TRAF3IP1: variants seen among roughly 807,000 people sequenced by gnomAD.
TRAF3IP1 encodes TRAF3-interacting protein 1.
A neutral mutation model predicts 89.9 loss-of-function variants in TRAF3IP1; 53 were observed. The observed-to-expected ratio is 0.59, with a 90% confidence interval of 0.47 to 0.74. TRAF3IP1 has a LOEUF of 0.74. TRAF3IP1 is among the 30% of genes least tolerant of loss of function. The pLI, the probability that TRAF3IP1 is intolerant of heterozygous loss-of-function variation, is 0.00. For synonymous variants in TRAF3IP1, 311 were observed against 322.1 expected, an observed-to-expected ratio of 0.97 and a Z score of 0.37; for missense variants, 806 against 866.1, an observed-to-expected ratio of 0.93 and a Z score of 0.87.
Position 238,351,662 on chromosome 2 carries a change from C to T in TRAF3IP1, c.1452-1165C>T, listed in dbSNP as rs1699158034. Among the ~76,000 whole-genome samples, 1 of 152,010 alleles carries T rather than the reference C, an allele frequency of 6.6e-6. No individual in the cohort carries two copies. Among genetic ancestry groups the T allele is most frequent in the Non-Finnish European group, 1.5e-5 (1 of 67,996 alleles). Reference sequence around the variant, plus strand: ...CCTGGTACTGACAGAGCAGCGGGTTCGAAGTGAGGTTGGTCCTGGCGGAGC... The same window carrying T: ...CCTGGTACTGACAGAGCAGCGGGTTTGAAGTGAGGTTGGTCCTGGCGGAGC... On this transcript the variant is annotated intron_variant, in intron 12 of 16. Transcript: ENST00000373327. This position sits in a 1 kb window ranked among gnomAD's most constrained non-coding sequence, Gnocchi z 5.2.
intron 15 of TRAF3IP1, among the ~76,000 whole-genome samples, chr2:238,365,715 C>G (rs545822159): frequency 2.6e-5 from 4 of 151,844 alleles, no homozygotes; most frequent in Non-Finnish European, 5.9e-5. Context: ...GAGACATACT[C>G]TGTTGGTAAG....
At chr2:238,338,108 TC>T (rs1698471248) in intron 7 of TRAF3IP1, among the ~76,000 whole-genome samples, 2 of 151,962 alleles carry the variant, frequency 1.3e-5, no homozygotes, top group African/African-American at 4.8e-5. Context: ...GGGAGGATCA[TC>T]CTTGCAAAGG....
chr2:238,330,582 C>T (rs376493121), intron 5 of TRAF3IP1, among the ~76,000 whole-genome samples: 1 of 152,242 alleles, frequency 6.6e-6, no homozygotes, highest in East Asian at 1.9e-4. Context: ...TGGCCTCTTC[C>T]TCCCGGGACA....
intron 10 of TRAF3IP1, 31 bp from the exon 11 acceptor site, chr2:238,348,733 G>T (rs1467940442): frequency 3.1e-6 from 5 of 1,587,532 alleles, no homozygotes; most frequent in Non-Finnish European, 4.3e-6. Context: ...GTTTTCCTTT[G>T]TGAATTGCTA....
intron 12 of TRAF3IP1, among the ~76,000 whole-genome samples, 153 bp downstream of exon 12, chr2:238,349,561 C>T (rs1222710252): frequency 1.3e-5 from 2 of 152,168 alleles, no homozygotes; most frequent in African/African-American, 4.8e-5. Flanking sequence ...CGCCTCACAC[C>T]ATAGGCCAAC....
intron 15 of TRAF3IP1, among the ~76,000 whole-genome samples, chr2:238,356,534 T>C (rs1001282586): frequency 1.3e-5 from 2 of 151,954 alleles, no homozygotes; most frequent in Non-Finnish European, 2.9e-5. Context: ...TCCTCCCAGT[T>C]GGGAGGATAT....
At chr2:238,329,509 T>C (rs1698019009) in intron 5 of TRAF3IP1, among the ~76,000 whole-genome samples, 167 bp downstream of exon 5, 2 of 152,242 alleles carry the variant, frequency 1.3e-5, no homozygotes, top group African/African-American at 4.8e-5. Flanking sequence ...GAGATACTTA[T>C]TTCTTGTCAG....
At position 238,320,600 on chromosome 2, in the gene TRAF3IP1, C is replaced by T. The variant is rs1294248284; in HGVS notation, c.-63C>T. 2 of 1,132,650 alleles carry T rather than the reference C, an allele frequency of 1.8e-6. No individual in the cohort carries two copies. Among genetic ancestry groups the T allele is most frequent in the Admixed American group, 5.0e-5 (1 of 20,080 alleles). The allele number at this position is 1,132,650 out of a possible 1,614,324, so 70.2% of individuals were successfully genotyped here. ...GCGGGGCCGGCGGCGGCCAGGGACC[C>T]GGGCTTAGGCTCGGCCAGGCCGGCT... On this transcript the variant is annotated 5_prime_UTR_variant, in exon 1 of 17. Transcript: ENST00000373327.
chr2:238,322,016 C>T (rs7598777), intron 1 of TRAF3IP1, among the ~76,000 whole-genome samples: 31,427 of 152,216 alleles, frequency 0.21, 3,474 homozygotes, highest in South Asian at 0.27. Flanking sequence ...CATCCCAGGG[C>T]CTCGCCAGCC....
intron 7 of TRAF3IP1, among the ~76,000 whole-genome samples, chr2:238,335,148 G>T (rs1270033196): frequency 1.3e-5 from 2 of 152,062 alleles, no homozygotes; most frequent in Admixed American, 1.3e-4. Flanking sequence ...ATTATATTTG[G>T]TTTGGTTTCT....
chr2:238,332,991 G>A, intron 6 of TRAF3IP1, 96 bp downstream of exon 6: 2 of 881,388 alleles, frequency 2.3e-6, no homozygotes, highest in Non-Finnish European at 3.7e-6. Context: ...AGGCATGGAA[G>A]GAGCACATGG....
chr2:238,362,425 C>G (rs1699701787), intron 15 of TRAF3IP1, among the ~76,000 whole-genome samples: 1 of 152,096 alleles, frequency 6.6e-6, no homozygotes, highest in Non-Finnish European at 1.5e-5. Flanking sequence ...TCTCATGGGT[C>G]AGTCTAGAGG....
intron 14 of TRAF3IP1, 29 bp from the exon 15 acceptor site, chr2:238,355,975 T>G (rs779015827): frequency 6.3e-7 from 1 of 1,577,464 alleles, no homozygotes; most frequent in African/African-American, 1.4e-5. Context: ...GAATAAACTT[T>G]TAACATAAAA....
intron 12 of TRAF3IP1, 130 bp downstream of exon 12, chr2:238,349,538 G>A: frequency 1.1e-6 from 1 of 909,688 alleles, no homozygotes; most frequent in Non-Finnish European, 1.7e-6. Context: ...AACAAAAAGT[G>A]AGGGTAGGCC....
intron 15 of TRAF3IP1, among the ~76,000 whole-genome samples, chr2:238,389,311 G>A (rs79557340): frequency 0.059 from 9,019 of 152,022 alleles, 377 homozygotes; most frequent in Non-Finnish European, 0.081. Context: ...TTGGCTTCTC[G>A]TGTACCCATC....
At chr2:238,341,502 T>C (rs1026546775) in intron 8 of TRAF3IP1, among the ~76,000 whole-genome samples, 48 of 151,930 alleles carry the variant, frequency 3.2e-4, no homozygotes, top group African/African-American at 1.2e-3. Context: ...CCAAGCTGTA[T>C]TCTAATTGTC....
chr2:238,320,632 C>T lies in TRAF3IP1; in HGVS notation c.-31C>T. ...AGGCTCGGCCAGGCCGGCTGAGGGG[C>T]GCGGGCGGCCAGCGGGCGGCGGACG... On this transcript the variant is annotated 5_prime_UTR_variant, in exon 1 of 17. Transcript: ENST00000373327. 2 of 1,292,812 alleles carry T rather than the reference C, an allele frequency of 1.5e-6. No homozygotes were observed. The highest frequency in any genetic ancestry group is 3.9e-5 in the East Asian group (1 of 25,850). The allele number at this position is 1,292,812 out of a possible 1,614,324, so 80.1% of individuals were successfully genotyped here. A position where few individuals can be genotyped will look rare whatever the true frequency, so the allele number is the denominator to read the frequency against.
At chr2:238,325,255 TGAG>T (rs1005105286) in intron 1 of TRAF3IP1, 48 bp from the exon 2 acceptor site, 5 of 1,572,782 alleles carry the variant, frequency 3.2e-6, no homozygotes, top group East Asian at 4.5e-5. Flanking sequence ...ATGAGGCTGA[TGAG>T]GAGGCTGTCT....
rs761347974 is a variant in TRAF3IP1 at position 238,352,926 on chromosome 2, C to T, written c.1551C>T (p.Leu517=). The T allele has an allele frequency of 6.8e-6, 11 of 1,611,188 alleles. 1 individual carries two copies. In the South Asian group the frequency reaches 1.1e-4, roughly 16 times the overall value. The change falls in exon 13 of 17, where the codon CTC becomes CTT. Residue 517 remains leucine (L), a synonymous_variant. Coordinates refer to ENST00000373327, the MANE Select transcript of TRAF3IP1 (RefSeq NM_015650.4). ...TTGTGGTGGAAGCTGCCCCTCAGCT[C>T]TCTGAAATGTCAGAAATTGAAATGG... ...DQFVVEAAPQ[L]SEMSEIEMVT...
Sources: allele counts gnomAD v4.1 joint callset (sites outside exome capture counted in the v4.1 genomes callset), GRCh38; gene constraint gnomAD v4.1.1; non-coding constraint Gnocchi (gnomAD v3.1); transcripts MANE v1.5; gene names NCBI Gene and HGNC (gene_info 2026-07-23, HGNC 2026-07-21).